NDST1: variants seen among roughly 807,000 people sequenced by gnomAD.
The protein encoded by NDST1 is N-deacetylase and N-sulfotransferase 1, also known as bifunctional heparan sulfate N-deacetylase/N-sulfotransferase 1.
In NDST1, 35 loss-of-function variants were observed where a neutral mutation model predicts 92.8. The observed-to-expected ratio is 0.38, with a 90% CI of 0.29 to 0.50. The LOEUF is 0.50. NDST1 is among the 20% of genes least tolerant of loss of function. NDST1 has a pLI of 0.94. For missense variants in NDST1, 822 were observed against 1,182.7 expected, an observed-to-expected ratio of 0.69 and a Z score of 4.47; for synonymous variants, 493 against 500.3, an observed-to-expected ratio of 0.99 and a Z score of 0.19.
At chr5:150,529,681 A>G (rs1381880886) in intron 3 of NDST1, among the ~76,000 whole-genome samples, 2 of 152,246 alleles carry the variant, frequency 1.3e-5, no homozygotes, top group Admixed American at 6.5e-5. Flanking sequence ...ATTAAATTCT[A>G]GAGACATTCT....
intron 2 of NDST1, among the ~76,000 whole-genome samples, chr5:150,524,424 C>T (rs978382652): frequency 8.5e-5 from 13 of 152,248 alleles, no homozygotes; most frequent in African/African-American, 3.1e-4. Flanking sequence ...CATCTGGATC[C>T]CTACTTCCTG....
chr5:150,548,558 A>G (rs556965798), intron 12 of NDST1, among the ~76,000 whole-genome samples, 170 bp downstream of exon 12: 2 of 152,096 alleles, frequency 1.3e-5, no homozygotes, highest in Admixed American at 1.3e-4. Flanking sequence ...TTATTTTGAG[A>G]CAGGGTCTCA....
rs764360017 is a variant in NDST1 at position 150,554,052 on chromosome 5, G to A, written c.*720G>A. The A allele has an allele frequency of 4.9e-6, 2 of 406,916 alleles. No homozygotes were observed. The highest frequency in any genetic ancestry group is 4.3e-6 in the Non-Finnish European group (1 of 230,078). The allele number at this position is 406,916 out of a possible 1,614,324, so 25.2% of individuals were successfully genotyped here. A position where few individuals can be genotyped will look rare whatever the true frequency, so the allele number is the denominator to read the frequency against. On this transcript the variant is annotated 3_prime_UTR_variant, in exon 15 of 15. Coordinates refer to ENST00000261797, the MANE Select transcript of NDST1 (RefSeq NM_001543.5). ...CCCTTTCTTCCCCCTGGGATATGAT[G>A]TGTGGTGTTTCCTGTGGTAAAAGAC...
At position 150,557,471 on chromosome 5, in the gene NDST1, GA is replaced by G; in HGVS notation, c.*4141del. ...CTGCCTCCCGCAAGCTGTGGTGTGA[GA>G]AGAGCCCTGGCTGGCAGCAGGAGCT... is the stretch of plus-strand genomic sequence containing the variant. On this transcript the variant is annotated 3_prime_UTR_variant, in exon 15 of 15. Coordinates refer to ENST00000261797, the MANE Select transcript of NDST1 (RefSeq NM_001543.5). This position sits in a 1 kb window ranked among gnomAD's most constrained non-coding sequence, Gnocchi z 4.7. 6.6e-6 allele frequency: 1 copy of G among 152,574 alleles called. No individual in the cohort carries two copies. The highest frequency in any genetic ancestry group is 1.5e-5 in the Non-Finnish European group (1 of 68,076). 9.5% of individuals were successfully genotyped at this position (152,574 alleles called of 1,614,324 possible).
chr5:150,532,687 C>T (rs985706760), intron 3 of NDST1, among the ~76,000 whole-genome samples: 25 of 152,058 alleles, frequency 1.6e-4, no homozygotes, highest in African/African-American at 1.7e-4. Flanking sequence ...CCACCATGCC[C>T]GGCTAATTTT....
intron 1 of NDST1, among the ~76,000 whole-genome samples, chr5:150,508,621 C>CG (rs1225269796): frequency 6.6e-6 from 1 of 152,048 alleles, no homozygotes; most frequent in Non-Finnish European, 1.5e-5. Flanking sequence ...TTCAGGGCCA[C>CG]GGGGGAAGCT....
At chr5:150,497,886 G>A (rs1181516694), upstream of NDST1, 2 of 152,274 alleles carry the variant, frequency 1.3e-5, no homozygotes, top group African/African-American at 4.8e-5. Context: ...GGACCTGAGG[G>A]AGTCGGCTCC....
At chr5:150,499,804 C>T (rs187289228) in intron 1 of NDST1, among the ~76,000 whole-genome samples, 2 of 152,346 alleles carry the variant, frequency 1.3e-5, no homozygotes. Flanking sequence ...AGGAGAGGAG[C>T]ATCCACCTGC....
chr5:150,502,436 A>G (rs1460227377), intron 1 of NDST1, among the ~76,000 whole-genome samples: 6 of 152,090 alleles, frequency 3.9e-5, no homozygotes, highest in African/African-American at 1.4e-4. Flanking sequence ...TTACCAAGAC[A>G]GAGAAGGCTG....
At chr5:150,547,157 A>G (rs1370989419) in intron 11 of NDST1, among the ~76,000 whole-genome samples, 3 of 152,182 alleles carry the variant, frequency 2.0e-5, no homozygotes, top group Non-Finnish European at 4.4e-5. Flanking sequence ...AGCAAGTTTC[A>G]TGTGGTGGCA....
Position 150,521,571 on chromosome 5 carries a change from C to T in NDST1, c.317C>T (p.Ser106Phe). ...LGQEVVAILE[S>F]SRFKYRTEIA... The stretch of plus-strand genomic sequence containing the variant: ...CAGGAGGTGGTGGCCATCCTGGAGT[C>T]CAGCCGCTTCAAATACCGCACAGAG... The change falls in exon 2 of 15, where the codon TCC becomes TTC. Residue 106 changes from serine (S) to phenylalanine (F), a missense_variant. By Grantham distance (155) the Ser-to-Phe change is radical. Transcript: ENST00000261797. The surrounding 1 kb of genome is among the most constrained non-coding windows in gnomAD (Gnocchi z 5.9). The T allele has an allele frequency of 6.2e-7, 1 of 1,614,000 alleles. No individual in the cohort carries two copies. The highest frequency in any genetic ancestry group is 1.3e-5 in the African/African-American group (1 of 75,036).
chr5:150,517,382 C>T (rs537758429), intron 1 of NDST1, among the ~76,000 whole-genome samples: 15 of 151,714 alleles, frequency 9.9e-5, no homozygotes, highest in African/African-American at 3.4e-4. Flanking sequence ...TTAAGTGATC[C>T]TCCTGCCTCG....
At position 150,521,834 on chromosome 5, in the gene NDST1, T is replaced by C; in HGVS notation, c.513+67T>C. The C allele has an allele frequency of 1.3e-6, 2 of 1,596,180 alleles. No homozygotes were observed. Among genetic ancestry groups the C allele is most frequent in the Non-Finnish European group, 1.7e-6 (2 of 1,174,434 alleles). Reference sequence around the variant, plus strand: ...CTGCAGCTCAGTGCCTGAATTCTCATTTGTGAAATAGGTGTAATGGTAGCA... The same window carrying C: ...CTGCAGCTCAGTGCCTGAATTCTCACTTGTGAAATAGGTGTAATGGTAGCA... On this transcript the variant is annotated intron_variant, in intron 2 of 14. Coordinates refer to ENST00000261797, the MANE Select transcript of NDST1 (RefSeq NM_001543.5). This position sits in a 1 kb window ranked among gnomAD's most constrained non-coding sequence, Gnocchi z 5.9.
In NDST1 at chr5:150,553,620, C is replaced by G. The variant is rs930335032; in HGVS notation, c.*288C>G. ...TCCTGGTAGGAGGGAGTCCACGAGA[C>G]TCTTTTCTGTCCCTCACTGTGTTCC... On this transcript the variant is annotated 3_prime_UTR_variant, in exon 15 of 15. Transcript: ENST00000261797. The surrounding 1 kb of genome is among the most constrained non-coding windows in gnomAD (Gnocchi z 4.2). 6.7e-6 allele frequency: 3 copies of G among 445,668 alleles called. No homozygotes were observed. Among genetic ancestry groups the G allele is most frequent in the Admixed American group, 3.3e-5 (1 of 30,102 alleles). 27.6% of individuals were successfully genotyped at this position (445,668 alleles called of 1,614,324 possible).
At chr5:150,531,761 G>GGT (rs1228788138) in intron 3 of NDST1, among the ~76,000 whole-genome samples, 1 of 150,362 alleles carries the variant, frequency 6.7e-6, no homozygotes, top group Non-Finnish European at 1.5e-5. Context: ...AGCCTCCCAG[G>GGT]GTGCTGGGAT....
upstream of NDST1, among the ~76,000 whole-genome samples, chr5:150,505,378 G>A (rs934409459): frequency 6.6e-6 from 1 of 152,230 alleles, no homozygotes; most frequent in African/African-American, 2.4e-5. Context: ...ATCTGTGGCT[G>A]ATGCCATGGA....
At chr5:150,519,044 TG>T (rs35577737) in intron 1 of NDST1, 41,368 of 152,098 alleles carry the variant, frequency 0.27, 5,776 homozygotes, top group African/African-American at 0.31. Flanking sequence ...CCCAAAGTTC[TG>T]GGATTACAAG....
rs148427783 is a variant in NDST1, at chr5:150,557,047, C to A, written c.*3715C>A. 1.3e-5 allele frequency: 2 copies of A among 152,662 alleles called. No homozygotes were observed. The highest frequency in any genetic ancestry group is 2.9e-5 in the Non-Finnish European group (2 of 68,052). The allele number at this position is 152,662 out of a possible 1,614,324, so 9.5% of individuals were successfully genotyped here. On this transcript the variant is annotated 3_prime_UTR_variant, in exon 15 of 15. Coordinates refer to ENST00000261797, the MANE Select transcript of NDST1 (RefSeq NM_001543.5). This position sits in a 1 kb window ranked among gnomAD's most constrained non-coding sequence, Gnocchi z 4.7. Reference sequence around the variant, plus strand: ...CCACTTCTTCTATCCCCTGTACTTTCAAGGATAATTTAGGCTACATGAGAT... The same window carrying A: ...CCACTTCTTCTATCCCCTGTACTTTAAAGGATAATTTAGGCTACATGAGAT...
At chr5:150,539,197 C>T (rs1019989437) in intron 6 of NDST1, 31 bp from the exon 7 acceptor site, 2 of 1,577,402 alleles carry the variant, frequency 1.3e-6, no homozygotes, top group East Asian at 4.5e-5. Flanking sequence ...CCAGAAGGCA[C>T]CATAGCTCCT....
Sources: gnomAD v4.1 joint callset for allele counts (sites outside exome capture counted in the v4.1 genomes callset) on GRCh38, gnomAD v4.1.1 for gene constraint, Gnocchi (gnomAD v3.1) non-coding constraint, MANE v1.5 for transcripts, NCBI Gene and HGNC (gene_info 2026-07-23, HGNC 2026-07-21) for gene names.